CLEC18B: variants seen among roughly 807,000 people sequenced by gnomAD.
CLEC18B encodes mannose receptor-like 2.
CLEC18B carries 5 observed loss-of-function variants against 60.4 expected under a neutral mutation model. The ratio of observed to expected loss-of-function variants is 0.08; its 90% CI spans 0.04 to 0.17. The LOEUF is 0.17. CLEC18B is among the 10% of genes least tolerant of loss of function. The pLI, the probability that CLEC18B is intolerant of heterozygous loss-of-function variation, is 1.00. For synonymous variants in CLEC18B, 16 were observed against 221.2 expected (o/e 0.07, Z 8.23); for missense variants, 26 against 572.8 (o/e 0.05, Z 9.74).
At chr16:74,413,847 G>T (rs2013300523) in intron 3 of CLEC18B, among the ~76,000 whole-genome samples, 171 bp from the exon 4 acceptor site, 2 of 91,070 alleles carry the variant, frequency 2.2e-5, no homozygotes, top group South Asian at 7.2e-4. Context: ...AGTTCAGGAA[G>T]GCTTATTTAT....
chr16:74,423,522 C>A (rs1216109506), upstream of CLEC18B, among the ~76,000 whole-genome samples: 5 of 152,376 alleles, frequency 3.3e-5, no homozygotes, highest in East Asian at 5.8e-4. Context: ...AATCCTGTCT[C>A]TACTAAAAAT....
upstream of CLEC18B, chr16:74,422,574 G>A (rs2013726899): frequency 6.7e-6 from 1 of 149,718 alleles, no homozygotes; most frequent in South Asian, 2.2e-4. Context: ...ATACCTAGGG[G>A]CTCAGGAGTT....
At chr16:74,421,907 G>A (rs1377003729), upstream of CLEC18B, 1 of 140,824 alleles carries the variant, frequency 7.1e-6, no homozygotes, top group African/African-American at 2.7e-5. Context: ...AAAGGGGGGT[G>A]GGCTGAGGCC....
chr16:74,419,005 T>C (rs931452658), intron 2 of CLEC18B, among the ~76,000 whole-genome samples: 2 of 152,250 alleles, frequency 1.3e-5, no homozygotes, highest in African/African-American at 2.4e-5. Flanking sequence ...TGTTGGCCAT[T>C]GCTGGTGTCA....
intron 3 of CLEC18B, among the ~76,000 whole-genome samples, chr16:74,416,262 CAAA>C (rs1196546106): frequency 1.8e-5 from 2 of 109,714 alleles, no homozygotes; most frequent in African/African-American, 3.4e-5. Flanking sequence ...GACTCCGTCT[CAAA>C]AAAAAAAAAA....
chr16:74,416,955 G>T (rs1216388047), intron 3 of CLEC18B, among the ~76,000 whole-genome samples: 1 of 152,102 alleles, frequency 6.6e-6, no homozygotes, highest in African/African-American at 2.4e-5. Flanking sequence ...GTGGGTAAGA[G>T]TGGGGCCGTT....
chr16:74,421,555 A>G (rs904952034), upstream of CLEC18B: 28 of 460,252 alleles, frequency 6.1e-5, no homozygotes, highest in Non-Finnish European at 9.3e-5. Context: ...AGTGGCGTGC[A>G]CTGCCCCGCG....
intron 2 of CLEC18B, among the ~76,000 whole-genome samples, chr16:74,419,168 G>A (rs1462851874): frequency 2.0e-5 from 3 of 152,264 alleles, no homozygotes; most frequent in Non-Finnish European, 2.9e-5. Flanking sequence ...CTGATCTCCC[G>A]AGACTCCCTG....
intron 2 of CLEC18B, among the ~76,000 whole-genome samples, chr16:74,420,103 C>CCCT (rs2013612141): frequency 6.6e-6 from 1 of 151,872 alleles, no homozygotes; most frequent in Non-Finnish European, 1.5e-5. Context: ...GCACAGAAGC[C>CCCT]CCTCCCCAGC....
At chr16:74,417,837 G>A (rs1467325328) in intron 3 of CLEC18B, among the ~76,000 whole-genome samples, 1 of 152,182 alleles carries the variant, frequency 6.6e-6, no homozygotes, top group Non-Finnish European at 1.5e-5. Flanking sequence ...AGAATCACTT[G>A]AGCCCAGGAG....
intron 2 of CLEC18B, among the ~76,000 whole-genome samples, chr16:74,418,879 C>T (rs1273886972): frequency 1.3e-5 from 2 of 151,602 alleles, no homozygotes; most frequent in East Asian, 2.0e-4. Flanking sequence ...CTGCAACCTC[C>T]GCCTCCCAGG....
At chr16:74,423,689 A>C (rs1374544939), upstream of CLEC18B, among the ~76,000 whole-genome samples, 136 of 102,708 alleles carry the variant, frequency 1.3e-3, no homozygotes, top group Middle Eastern at 8.9e-3. Context: ...ACTCTGTCCC[A>C]CCCCCGACCC....
At chr16:74,422,287 C>A, upstream of CLEC18B, 1 of 153,132 alleles carries the variant, frequency 6.5e-6, no homozygotes, top group Non-Finnish European at 1.5e-5. Context: ...TGCCCACGTT[C>A]CTCTCGGGGC....
chr16:74,410,336 G>A (rs1257325291), intron 10 of CLEC18B, among the ~76,000 whole-genome samples, 200 bp downstream of exon 10: 209 of 7,140 alleles, frequency 0.029, no homozygotes, highest in African/African-American at 0.069. Flanking sequence ...TCTCCCCCAC[G>A]TGACGTGCCT....
intron 3 of CLEC18B, among the ~76,000 whole-genome samples, chr16:74,417,091 C>CCTATCT (rs2013448163): frequency 6.7e-6 from 1 of 149,064 alleles, no homozygotes; most frequent in African/African-American, 2.5e-5. Context: ...ATGGTGAAAC[C>CCTATCT]CTATCTCTAC....
rs768282702 is a variant in CLEC18B at position 74,409,655 on chromosome 16, T to A, written c.1212-14A>T. 14 of 1,613,968 alleles carry A rather than the reference T, an allele frequency of 8.7e-6. No homozygotes were observed. The Admixed American group carries it at 2.0e-4, about 23-fold the overall frequency. On this transcript the variant is annotated splice_polypyrimidine_tract_variant and intron_variant, in intron 10 of 11. Transcript: ENST00000682950. The stretch of plus-strand genomic sequence containing the variant: ...CAGTTGCCAAACCTGCAGGCCAGGG[T>A]GTGGTGGTCAGGAGGCAAGAGTGAA...
At chr16:74,413,397 C>T (rs1349764435) in intron 4 of CLEC18B, among the ~76,000 whole-genome samples, 182 bp downstream of exon 4, 1 of 152,286 alleles carries the variant, frequency 6.6e-6, no homozygotes, top group East Asian at 1.9e-4. Context: ...CAGAGCAGCA[C>T]CTTCTGCGTG....
intron 3 of CLEC18B, among the ~76,000 whole-genome samples, chr16:74,416,289 A>G (rs1351221887): frequency 3.3e-5 from 5 of 149,838 alleles, no homozygotes; most frequent in African/African-American, 1.2e-4. Flanking sequence ...TTAAGGAGCC[A>G]GAAGATCTTC....
intron 2 of CLEC18B, among the ~76,000 whole-genome samples, chr16:74,418,619 G>A (rs1450827173): frequency 6.6e-6 from 1 of 150,656 alleles, no homozygotes; most frequent in South Asian, 2.1e-4. Flanking sequence ...GTTGCAGACT[G>A]GTTCTGTGTT....
Sources: gnomAD v4.1 joint callset for allele counts (sites outside exome capture counted in the v4.1 genomes callset) on GRCh38, gnomAD v4.1.1 for gene constraint, MANE v1.5 for transcripts, NCBI Gene and HGNC (gene_info 2026-07-23, HGNC 2026-07-21) for gene names.